USP48: variants seen among roughly 807,000 people sequenced by gnomAD.
USP48 encodes the protein ubiquitin carboxyl-terminal hydrolase 48.
In USP48, 43 loss-of-function variants were observed where a neutral mutation model predicts 150.7. That is an observed-to-expected ratio of 0.29 (90% CI 0.22 to 0.37). USP48 has a LOEUF of 0.37. Ranked by LOEUF, USP48 falls within the 10% of genes least tolerant of loss-of-function variation. The pLI is 1.00. For synonymous variants in USP48, 396 were observed against 425.9 expected (o/e 0.93, Z 0.86); for missense variants, 813 against 1,249.6 (o/e 0.65, Z 5.27).
At position 21,768,076 on chromosome 1, in the gene USP48, G is replaced by A. The variant is rs149107214; in HGVS notation, c.135-10293C>T. ...TAAAAAAGTAGCCGGGCATGGTGGC[G>A]GGTACCTGTAGTCCCAGCTACTCAG... is the stretch of plus-strand genomic sequence containing the variant. On this transcript the variant is annotated intron_variant, in intron 1 of 26. Coordinates refer to ENST00000308271, the MANE Select transcript of USP48 (RefSeq NM_032236.8). Among the ~76,000 whole-genome samples, 643 of 152,128 alleles carry A rather than the reference G, an allele frequency of 4.2e-3. 9 individuals are homozygous for A. The highest frequency in any genetic ancestry group is 0.015 in the African/African-American group (611 of 41,496).
At chr1:21,775,279 T>A (rs2097894899) in intron 1 of USP48, among the ~76,000 whole-genome samples, 1 of 152,006 alleles carries the variant, frequency 6.6e-6, no homozygotes. Flanking sequence ...TGGTTTTTAT[T>A]GAGACAGAGT....
Position 21,752,666 on chromosome 1 carries a change from T to A in USP48, c.541-15A>T. On this transcript the variant is annotated splice_polypyrimidine_tract_variant and intron_variant, in intron 4 of 26. Coordinates refer to ENST00000308271, the MANE Select transcript of USP48 (RefSeq NM_032236.8). ...TCTTGAGCATCCTACAAGTTTAGGT[T>A]AATGAAAAGAAAAATCATATCTTGC... The A allele has an allele frequency of 6.3e-7, 1 of 1,576,074 alleles. No homozygotes were observed.
intron 5 of USP48, among the ~76,000 whole-genome samples, chr1:21,752,029 A>AG (rs1178094113): frequency 3.9e-5 from 6 of 151,906 alleles, no homozygotes; most frequent in African/African-American, 1.5e-4. Context: ...AAAAAAAAAA[A>AG]AAAAGAAAAG....
chr1:21,687,376 A>G, intron 24 of USP48, 137 bp from the exon 25 acceptor site: 1 of 802,666 alleles, frequency 1.2e-6, no homozygotes, highest in Non-Finnish European at 2.0e-6. Flanking sequence ...TTTCAGCCAC[A>G]GCCAGCAGCG....
chr1:21,696,489 T>G (rs2097631722), intron 22 of USP48, among the ~76,000 whole-genome samples: 1 of 152,218 alleles, frequency 6.6e-6, no homozygotes, highest in African/African-American at 2.4e-5. Flanking sequence ...AGAGTAACTG[T>G]TCCAAATTCT....
At chr1:21,749,308 C>G (rs2097803065) in intron 6 of USP48, among the ~76,000 whole-genome samples, 1 of 152,170 alleles carries the variant, frequency 6.6e-6, no homozygotes, top group African/African-American at 2.4e-5. Flanking sequence ...CCAGCTGCTC[C>G]TACCTCCCTG....
At chr1:21,749,137 C>T (rs1004858833) in intron 6 of USP48, among the ~76,000 whole-genome samples, 6 of 152,018 alleles carry the variant, frequency 3.9e-5, no homozygotes, top group African/African-American at 1.4e-4. Flanking sequence ...CATAGCTAAC[C>T]GAAGACTCAA....
At chr1:21,737,642 C>G (rs2097771559) in intron 8 of USP48, among the ~76,000 whole-genome samples, 1 of 152,138 alleles carries the variant, frequency 6.6e-6, no homozygotes. Flanking sequence ...CTGTTATTTA[C>G]TGGAAAACAA....
intron 1 of USP48, among the ~76,000 whole-genome samples, chr1:21,769,890 G>T (rs1476857833): frequency 9.9e-5 from 15 of 150,864 alleles, no homozygotes; most frequent in African/African-American, 3.2e-4. Context: ...AAAAAGAAAA[G>T]AAAAAAAAGG....
At chr1:21,684,189 G>A (rs1229997315) in intron 25 of USP48, among the ~76,000 whole-genome samples, 6 of 152,128 alleles carry the variant, frequency 3.9e-5, no homozygotes, top group Admixed American at 3.9e-4. Flanking sequence ...TATATTTTTA[G>A]TTTTCTGAGA....
intron 12 of USP48, among the ~76,000 whole-genome samples, chr1:21,722,031 A>C (rs1319011639): frequency 6.6e-6 from 1 of 152,192 alleles, no homozygotes; most frequent in Non-Finnish European, 1.5e-5. Context: ...GACAAGGTTT[A>C]CATGCAATCT....
At chr1:21,689,347 G>T (rs1332734313) in intron 24 of USP48, among the ~76,000 whole-genome samples, 1 of 149,564 alleles carries the variant, frequency 6.7e-6, no homozygotes, top group Non-Finnish European at 1.5e-5. Flanking sequence ...GGGGTTGGAG[G>T]GCATTGGGGA....
intron 24 of USP48, among the ~76,000 whole-genome samples, chr1:21,688,311 C>T (rs1314029325): frequency 5.3e-5 from 8 of 151,886 alleles, no homozygotes; most frequent in African/African-American, 7.2e-5. Context: ...TTCCACCTCC[C>T]GAGTTCACGC....
intron 1 of USP48, among the ~76,000 whole-genome samples, chr1:21,778,251 A>G (rs1008725055): frequency 6.6e-6 from 1 of 152,186 alleles, no homozygotes; most frequent in Non-Finnish European, 1.5e-5. Context: ...TTTCTCAAAA[A>G]AGATATATGA....
chr1:21,689,884 G>A, intron 24 of USP48, 90 bp downstream of exon 24: 1 of 1,526,376 alleles, frequency 6.6e-7, no homozygotes, highest in Non-Finnish European at 8.9e-7. Context: ...AAGACCCAAG[G>A]CATCCTTTAA....
At chr1:21,697,008 A>T (rs2097635528) in intron 22 of USP48, among the ~76,000 whole-genome samples, 1 of 152,124 alleles carries the variant, frequency 6.6e-6, no homozygotes, top group Admixed American at 6.5e-5. Context: ...GTTTAATTAA[A>T]TCTGGATGAG....
intron 11 of USP48, 146 bp downstream of exon 11, chr1:21,728,424 T>C: frequency 2.1e-6 from 3 of 1,434,662 alleles, no homozygotes; most frequent in Non-Finnish European, 1.8e-6. Context: ...TATTGTTGGT[T>C]TACAAAGTAC....
intron 1 of USP48, among the ~76,000 whole-genome samples, chr1:21,758,022 G>C (rs1287185270): frequency 2.6e-5 from 4 of 152,040 alleles, no homozygotes; most frequent in Admixed American, 2.6e-4. Flanking sequence ...TCATTTCTGA[G>C]GATTTACTGT....
At chr1:21,690,930 T>C (rs542875591) in intron 23 of USP48, among the ~76,000 whole-genome samples, 1 of 152,278 alleles carries the variant, frequency 6.6e-6, no homozygotes, top group East Asian at 1.9e-4. Flanking sequence ...CTGTCACATA[T>C]TCTTAGACTG....
Sources: allele counts gnomAD v4.1 joint callset (sites outside exome capture counted in the v4.1 genomes callset), GRCh38; gene constraint gnomAD v4.1.1; transcripts MANE v1.5; gene names NCBI Gene and HGNC (gene_info 2026-07-23, HGNC 2026-07-21).